PBX3: variants seen among roughly 807,000 people sequenced by gnomAD.
PBX3 encodes the protein PBX homeobox 3.
PBX3 carries 14 observed loss-of-function variants against 48.5 expected under a neutral mutation model. The observed-to-expected ratio is 0.29, with a 90% CI of 0.19 to 0.45. The LOEUF is 0.45. PBX3 is among the 20% of genes least tolerant of loss of function. PBX3 has a pLI of 1.00. For missense variants in PBX3, 386 were observed against 546.7 expected (o/e 0.71, Z 2.93); for synonymous variants, 210 against 200.3 (o/e 1.05, Z -0.41).
intron 2 of PBX3, among the ~76,000 whole-genome samples, chr9:125,769,246 G>A (rs1381921361): frequency 2.6e-5 from 4 of 152,132 alleles, no homozygotes; most frequent in Non-Finnish European, 5.9e-5. Context: ...GTGCAATGGC[G>A]CCAGCAGTTT....
intron 2 of PBX3, among the ~76,000 whole-genome samples, chr9:125,821,508 T>TA (rs1387659321): frequency 6.6e-6 from 1 of 152,178 alleles, no homozygotes; most frequent in Non-Finnish European, 1.5e-5. Flanking sequence ...TTAATTGTGT[T>TA]ATTTTTTACT....
intron 2 of PBX3, among the ~76,000 whole-genome samples, chr9:125,823,850 T>A (rs10986954): frequency 0.02 from 3,031 of 151,970 alleles, 168 homozygotes; most frequent in East Asian, 0.17. Flanking sequence ...CTGAGGTGGG[T>A]GAATGACTTG....
intron 2 of PBX3, among the ~76,000 whole-genome samples, chr9:125,912,294 A>C (rs1841221845): frequency 6.6e-6 from 1 of 152,184 alleles, no homozygotes; most frequent in African/African-American, 2.4e-5. Flanking sequence ...CCCCGTAATC[A>C]TACCATTTGA....
At position 125,898,449 on chromosome 9, in the gene PBX3, GA is replaced by G. The variant is rs3051314; in HGVS notation, c.275-17226del. The stretch of plus-strand genomic sequence containing the variant: ...GCAGTGTAGCAGGACCCCATCTTCT[GA>G]AAAAAAAAAATAAAAAAAAGGGCCT... On this transcript the variant is annotated intron_variant, in intron 2 of 8. Coordinates refer to ENST00000373489, the MANE Select transcript of PBX3 (RefSeq NM_006195.6). Among the ~76,000 whole-genome samples the G allele has an allele frequency of 4.4e-3, 642 of 144,936 alleles. 4 individuals carry two copies. The highest frequency in any genetic ancestry group is 0.014 in the African/African-American group (547 of 39,536).
intron 2 of PBX3, among the ~76,000 whole-genome samples, chr9:125,777,347 ATTC>A (rs199616835): frequency 0.011 from 1,633 of 147,466 alleles, 12 homozygotes; most frequent in Admixed American, 0.017. Flanking sequence ...TGCTGGTTTA[ATTC>A]TTCTTCTTCT....
chr9:125,816,275 G>A (rs1838459277), intron 2 of PBX3, among the ~76,000 whole-genome samples: 1 of 152,130 alleles, frequency 6.6e-6, no homozygotes, highest in South Asian at 2.1e-4. Context: ...TGGGAACACA[G>A]GTGTGAGCCC....
chr9:125,858,813 A>G (rs1339066223), intron 2 of PBX3, among the ~76,000 whole-genome samples: 2 of 151,946 alleles, frequency 1.3e-5, no homozygotes, highest in African/African-American at 4.8e-5. Context: ...TTTAGTAGAG[A>G]CAGGGTTTCA....
intron 2 of PBX3, among the ~76,000 whole-genome samples, chr9:125,870,026 C>CTTTT (rs568310288): frequency 7.2e-6 from 1 of 137,970 alleles, no homozygotes. Context: ...AAAGGCACAT[C>CTTTT]TTTTTTTTTT....
chr9:125,781,739 G>T (rs1837324280), intron 2 of PBX3, among the ~76,000 whole-genome samples: 1 of 151,806 alleles, frequency 6.6e-6, no homozygotes, highest in South Asian at 2.1e-4. Context: ...TGCTAGATTT[G>T]GGCTTAATGT....
intron 2 of PBX3, among the ~76,000 whole-genome samples, chr9:125,846,742 A>G (rs528788184): frequency 8.0e-4 from 122 of 152,190 alleles, no homozygotes; most frequent in Non-Finnish European, 1.5e-3. Context: ...TTAAAAAACC[A>G]TAAAATTTCA....
Position 125,895,715 on chromosome 9 carries a change from CT to C in PBX3, c.275-19967del, listed in dbSNP as rs151139600. Among the ~76,000 whole-genome samples, 1,182 of 152,062 alleles carry C rather than the reference CT, an allele frequency of 7.8e-3. 14 individuals carry two copies. Among genetic ancestry groups the C allele is most frequent in the African/African-American group, 0.027 (1,140 of 41,512 alleles). ...GCTGTACTTATTTGAAATTTTATTACTTTTCTATTTTATTCAAATGTTCATC... is the reference window on the plus strand; with the variant it reads ...GCTGTACTTATTTGAAATTTTATTACTTTCTATTTTATTCAAATGTTCATC... On this transcript the variant is annotated intron_variant, in intron 2 of 8. Transcript: ENST00000373489.
intron 2 of PBX3, among the ~76,000 whole-genome samples, chr9:125,758,937 A>G (rs1189931679): frequency 6.6e-6 from 1 of 152,190 alleles, no homozygotes; most frequent in Admixed American, 6.5e-5. Context: ...CAAGGTAGGT[A>G]TTTTAATTCT....
chr9:125,835,387 T>C (rs964646854), intron 2 of PBX3, among the ~76,000 whole-genome samples: 1 of 152,134 alleles, frequency 6.6e-6, no homozygotes, highest in Non-Finnish European at 1.5e-5. Flanking sequence ...TTAACCGTTA[T>C]ATTCTACTGA....
intron 2 of PBX3, among the ~76,000 whole-genome samples, chr9:125,805,723 C>T (rs1424615183): frequency 6.6e-6 from 1 of 152,066 alleles, no homozygotes; most frequent in African/African-American, 2.4e-5. Context: ...AATGATGGTG[C>T]CTTTCCCTAA....
At chr9:125,787,654 C>A (rs1321281685) in intron 2 of PBX3, among the ~76,000 whole-genome samples, 2 of 152,076 alleles carry the variant, frequency 1.3e-5, no homozygotes, top group Non-Finnish European at 2.9e-5. Flanking sequence ...GATGTTCAAC[C>A]ATATAATCCA....
intron 2 of PBX3, among the ~76,000 whole-genome samples, chr9:125,845,293 T>C (rs1421803596): frequency 6.6e-6 from 1 of 152,132 alleles, no homozygotes; most frequent in Non-Finnish European, 1.5e-5. Flanking sequence ...TGCAGCAATT[T>C]AGCTTGGCTT....
At chr9:125,789,081 A>G (rs189666036) in intron 2 of PBX3, among the ~76,000 whole-genome samples, 7 of 152,158 alleles carry the variant, frequency 4.6e-5, no homozygotes, top group Admixed American at 3.3e-4. Flanking sequence ...AAGATTTTCA[A>G]CATTGACACA....
Position 125,809,231 on chromosome 9 carries a change from C to T in PBX3, c.274+60608C>T, listed in dbSNP as rs142388465. Among the ~76,000 whole-genome samples the T allele has an allele frequency of 7.1e-3, 1,087 of 152,248 alleles. 8 individuals carry two copies. Among genetic ancestry groups the T allele is most frequent in the Admixed American group, 9.5e-3 (145 of 15,294 alleles). On this transcript the variant is annotated intron_variant, in intron 2 of 8. Coordinates refer to ENST00000373489, the MANE Select transcript of PBX3 (RefSeq NM_006195.6). ...AATTTTTCACTGTTCCTTGCATATG[C>T]GTGACTGCAGATGACTGCAAAAGTG...
intron 2 of PBX3, among the ~76,000 whole-genome samples, chr9:125,856,274 T>C (rs992512116): frequency 6.6e-6 from 1 of 152,240 alleles, no homozygotes; most frequent in Non-Finnish European, 1.5e-5. Flanking sequence ...TAAAATACTC[T>C]GTATAGAGCT....
Sources: gnomAD v4.1 joint callset for allele counts (sites outside exome capture counted in the v4.1 genomes callset) on GRCh38, gnomAD v4.1.1 for gene constraint, MANE v1.5 for transcripts, NCBI Gene and HGNC (gene_info 2026-07-23, HGNC 2026-07-21) for gene names.